ATF2: variants seen among roughly 807,000 people sequenced by gnomAD.
ATF2 encodes the protein cyclic AMP-dependent transcription factor ATF-2.
ATF2 carries 24 observed loss-of-function variants against 60.6 expected under a neutral mutation model. The ratio of observed to expected loss-of-function variants is 0.40; its 90% CI spans 0.29 to 0.56. The LOEUF is 0.56. Ranked by LOEUF, ATF2 falls within the 20% of genes least tolerant of loss-of-function variation. The pLI, the probability that ATF2 is intolerant of heterozygous loss-of-function variation, is 0.54. For synonymous variants in ATF2, 206 were observed against 215.4 expected (o/e 0.96, Z 0.38); for missense variants, 433 against 607.7 (o/e 0.71, Z 3.02).
chr2:175,103,406 C>G (rs776972753), intron 10 of ATF2, among the ~76,000 whole-genome samples: 3 of 152,056 alleles, frequency 2.0e-5, no homozygotes, highest in Non-Finnish European at 4.4e-5. Context: ...GTCACCCCAC[C>G]CCCAGAGAAC....
intron 11 of ATF2, among the ~76,000 whole-genome samples, chr2:175,093,519 T>A (rs1336114124): frequency 1.3e-5 from 2 of 152,160 alleles, no homozygotes; most frequent in South Asian, 2.1e-4. Context: ...ATGTATAATA[T>A]TTTCATTTAC....
chr2:175,167,795 G>C (rs1234810797), intron 1 of ATF2: 1 of 449,402 alleles, frequency 2.2e-6, no homozygotes. Context: ...CGAGAGGGAG[G>C]GGCCGGAACA....
chr2:175,163,758 A>G (rs1204385443), intron 1 of ATF2, among the ~76,000 whole-genome samples: 1 of 151,722 alleles, frequency 6.6e-6, no homozygotes, highest in African/African-American at 2.4e-5. Flanking sequence ...CCCCGTTTCT[A>G]TTAAAAATAC....
At chr2:175,092,872 T>C (rs1290399307) in intron 12 of ATF2, among the ~76,000 whole-genome samples, 189 bp downstream of exon 12, 1 of 152,192 alleles carries the variant, frequency 6.6e-6, no homozygotes, top group Non-Finnish European at 1.5e-5. Flanking sequence ...TGTATCAGTG[T>C]TGAAAGTTTT....
chr2:175,100,372 G>C (rs1251857442), intron 10 of ATF2, among the ~76,000 whole-genome samples: 1 of 152,190 alleles, frequency 6.6e-6, no homozygotes, highest in Admixed American at 6.5e-5. Flanking sequence ...AATCAGGATA[G>C]TTCCTATGTT....
chr2:175,101,380 T>A (rs112383491), intron 10 of ATF2, among the ~76,000 whole-genome samples: 2 of 152,314 alleles, frequency 1.3e-5, no homozygotes, highest in African/African-American at 2.4e-5. Context: ...ATTTTATAAA[T>A]AGAATGTTAG....
At chr2:175,084,022 G>A (rs1559049223) in intron 12 of ATF2, among the ~76,000 whole-genome samples, 2 of 152,114 alleles carry the variant, frequency 1.3e-5, no homozygotes, top group African/African-American at 2.4e-5. Flanking sequence ...TGGAGAAATA[G>A]GAACACTTTT....
chr2:175,084,503 G>A (rs1694008364), intron 12 of ATF2, among the ~76,000 whole-genome samples: 1 of 107,442 alleles, frequency 9.3e-6, no homozygotes, highest in Non-Finnish European at 1.8e-5. Context: ...GTGGGGTGGG[G>A]GGAGGGGGGA....
intron 11 of ATF2, among the ~76,000 whole-genome samples, chr2:175,094,893 T>C (rs991184218): frequency 6.6e-6 from 1 of 152,118 alleles, no homozygotes; most frequent in Non-Finnish European, 1.5e-5. Context: ...CAGTGAGCCA[T>C]GATCGCACCA....
At chr2:175,113,920 C>A in intron 9 of ATF2, 74 bp downstream of exon 9, 1 of 1,275,720 alleles carries the variant, frequency 7.8e-7, no homozygotes, top group South Asian at 1.3e-5. Flanking sequence ...ATAAGCCAGT[C>A]AAGCAGCCAA....
chr2:175,093,201 C>T lies in ATF2; in HGVS notation c.1045G>A (p.Glu349Lys), dbSNP rs781403920. The T allele has an allele frequency of 1.2e-6, 2 of 1,613,968 alleles. No homozygotes were observed. Among genetic ancestry groups the T allele is most frequent in the Admixed American group, 1.7e-5 (1 of 59,984 alleles). Residue 349 changes from glutamate to lysine, a missense_variant, in exon 12 of 14, where the codon GAA becomes AAA. Glu to Lys is a moderately conservative substitution (Grantham distance 56). This residue lies in a region of ATF2 where 246 missense variants were observed against 309.3 expected (regional missense o/e 0.80). Coordinates refer to ENST00000264110, the MANE Select transcript of ATF2 (RefSeq NM_001880.4). The part of the protein sequence containing the change: ...TSGRRRRAAN[E>K]DPDEKRRKFL... ...TTTCTCCTTTTTTCATCAGGATCTT[C>T]GTTAGCTGCTCTTCTCCGACGACCA...
chr2:175,142,591 TTTTG>T (rs1698621209), intron 2 of ATF2, among the ~76,000 whole-genome samples: 2 of 152,186 alleles, frequency 1.3e-5, no homozygotes, highest in African/African-American at 4.8e-5. Flanking sequence ...CTACTTTCAA[TTTTG>T]TTTGTGACAA....
intron 4 of ATF2, among the ~76,000 whole-genome samples, chr2:175,127,674 A>T (rs1238759170): frequency 1.3e-5 from 2 of 152,154 alleles, no homozygotes; most frequent in East Asian, 1.9e-4. Context: ...TAAACACACC[A>T]TACACATTCC....
chr2:175,094,381 G>A (rs62184463), intron 11 of ATF2, among the ~76,000 whole-genome samples: 5,476 of 118,954 alleles, frequency 0.046, 125 homozygotes, highest in Admixed American at 0.13. Flanking sequence ...GCAATACAGC[G>A]AGACTCAGTC....
chr2:175,110,606 T>C lies in ATF2; in HGVS notation c.828+962A>G, dbSNP rs186874286. On this transcript the variant is annotated intron_variant, in intron 10 of 13. Transcript: ENST00000264110. The stretch of plus-strand genomic sequence containing the variant: ...AGGAGAATTACACTGATTTTTATTT[T>C]ATTTTATTTTATTTTTGAGATGGAG... 4.6e-5 allele frequency among the ~76,000 whole-genome samples: 7 copies of C among 152,284 alleles called. No individual in the cohort carries two copies. In the East Asian group the frequency reaches 1.2e-3, roughly 25 times the overall value.
chr2:175,111,748 A>T (rs1696206067), intron 9 of ATF2, 94 bp from the exon 10 acceptor site: 1 of 1,072,562 alleles, frequency 9.3e-7, no homozygotes, highest in African/African-American at 1.6e-5. Context: ...GACTTTAAGA[A>T]TCAGAACATT....
At chr2:175,082,007 G>A (rs1316859482) in intron 12 of ATF2, among the ~76,000 whole-genome samples, 2 of 152,198 alleles carry the variant, frequency 1.3e-5, no homozygotes, top group Non-Finnish European at 1.5e-5. Flanking sequence ...GCAGTGAGGT[G>A]AGATTGTGCC....
rs539074014 is a variant in ATF2, at chr2:175,116,409, T to C, written c.448-1541A>G. Among the ~76,000 whole-genome samples the C allele has an allele frequency of 3.9e-5, 6 of 152,128 alleles. No individual in the cohort carries two copies. In the East Asian group the frequency reaches 1.2e-3, roughly 29 times the overall value. ...AACTAAATGGATGGAGAAAATTTAC[T>C]GAGATGGGGAAAACTGGGGGAAGAA... On this transcript the variant is annotated intron_variant, in intron 7 of 13. Transcript: ENST00000264110.
At chr2:175,121,084 CT>C (rs1286698289) in intron 5 of ATF2, among the ~76,000 whole-genome samples, 1 of 151,774 alleles carries the variant, frequency 6.6e-6, no homozygotes, top group Non-Finnish European at 1.5e-5. Context: ...CATTTTCTAT[CT>C]TCACACAGCC....
Sources: gnomAD v4.1 joint callset for allele counts (sites outside exome capture counted in the v4.1 genomes callset) on GRCh38, gnomAD v4.1.1 for gene constraint, gnomAD v4.1.1 regional missense constraint, MANE v1.5 for transcripts, NCBI Gene and HGNC (gene_info 2026-07-23, HGNC 2026-07-21) for gene names.